The following CSMD1 variants were observed in gnomAD, a reference collection of about 807,000 sequenced individuals.
The protein encoded by CSMD1 is CUB and sushi domain-containing protein 1.
Under a neutral mutation model 417.5 loss-of-function variants are expected in CSMD1, and 213 were observed. That is an observed-to-expected ratio of 0.51 (90% CI 0.46 to 0.57). CSMD1 has a LOEUF of 0.57. Ranked by LOEUF, CSMD1 falls within the 20% of genes least tolerant of loss-of-function variation. CSMD1 has a pLI of 0.00. For missense variants in CSMD1, 6,923 were observed against 4,529.7 expected, an observed-to-expected ratio of 1.53 and a Z score of -15.17; for synonymous variants, 2,862 against 1,736.8, an observed-to-expected ratio of 1.65 and a Z score of -16.11.
chr8:3,840,386 A>G (rs1056703525), intron 5 of CSMD1, among the ~76,000 whole-genome samples: 1 of 152,176 alleles, frequency 6.6e-6, no homozygotes, highest in Non-Finnish European at 1.5e-5. Flanking sequence ...GGAGAATAAT[A>G]GTGTGTAAAT....
intron 50 of CSMD1, among the ~76,000 whole-genome samples, chr8:3,046,711 C>G (rs1175135135): frequency 6.6e-6 from 1 of 152,290 alleles, no homozygotes; most frequent in East Asian, 1.9e-4. Flanking sequence ...TCCAGGCAGC[C>G]TTCCCCGCAG....
chr8:4,642,659 G>T (rs913189438), intron 1 of CSMD1, among the ~76,000 whole-genome samples: 1 of 152,182 alleles, frequency 6.6e-6, no homozygotes, highest in African/African-American at 2.4e-5. Flanking sequence ...TTAAAAACTG[G>T]TGTGCCAAAT....
At chr8:4,949,434 C>CTGTATTAT (rs1808587983) in intron 1 of CSMD1, among the ~76,000 whole-genome samples, 1 of 152,142 alleles carries the variant, frequency 6.6e-6, no homozygotes, top group Non-Finnish European at 1.5e-5. Context: ...TTTGAGTATG[C>CTGTATTAT]TGTATTATTT....
intron 3 of CSMD1, among the ~76,000 whole-genome samples, chr8:4,294,780 G>A (rs1372449742): frequency 6.6e-6 from 1 of 151,682 alleles, no homozygotes; most frequent in East Asian, 1.9e-4. Context: ...ATAATCATGG[G>A]TAAAATAAAA....
chr8:4,013,827 G>A (rs909068437), intron 4 of CSMD1, among the ~76,000 whole-genome samples: 11 of 152,082 alleles, frequency 7.2e-5, no homozygotes, highest in African/African-American at 1.9e-4. Flanking sequence ...TGGTGTCTAT[G>A]GGGTCTTTTG....
rs565654102 is a variant in CSMD1 at position 4,808,070 on chromosome 8, G to A, written c.86-170512C>T. Among the ~76,000 whole-genome samples the A allele has an allele frequency of 2.6e-5, 4 of 152,208 alleles. No homozygotes were observed. The South Asian group carries it at 8.3e-4, about 32-fold the overall frequency. On this transcript the variant is annotated intron_variant, in intron 1 of 69. Coordinates refer to ENST00000635120, the MANE Select transcript of CSMD1 (RefSeq NM_033225.6). ...GACTTTTGTAAATAATACTCGTGTG[G>A]GCTCAATGTCCTTATTAGCATGCTT...
intron 3 of CSMD1, among the ~76,000 whole-genome samples, chr8:4,268,012 A>G (rs572546749): frequency 5.9e-5 from 9 of 152,274 alleles, no homozygotes; most frequent in South Asian, 4.1e-4. Flanking sequence ...GCAGATAGGA[A>G]TAAGACATAT....
intron 1 of CSMD1, among the ~76,000 whole-genome samples, chr8:4,688,493 C>T (rs1176957078): frequency 6.6e-6 from 1 of 152,092 alleles, no homozygotes; most frequent in South Asian, 2.1e-4. Context: ...TGATAATAAG[C>T]AAAATGCATT....
At chr8:3,223,973 C>G in intron 27 of CSMD1, 106 bp from the exon 28 acceptor site, 1 of 1,069,144 alleles carries the variant, frequency 9.4e-7, no homozygotes, top group South Asian at 1.6e-5. Context: ...AAGACATCAG[C>G]ATTTTTACCA....
rs569133967 is a variant in CSMD1 at position 4,134,197 on chromosome 8, G to C, written c.416-102098C>G. On this transcript the variant is annotated intron_variant, in intron 3 of 69. Transcript: ENST00000635120. ...TATTTAAAATTAAAGTTGAAGGAAA[G>C]TCACTGTCCTTACACGCTGAATTGT... 4.6e-5 allele frequency among the ~76,000 whole-genome samples: 7 copies of C among 152,236 alleles called. No individual in the cohort carries two copies. In the East Asian group the frequency reaches 1.4e-3, roughly 29 times the overall value.
At chr8:4,681,669 T>TC (rs35043011) in intron 1 of CSMD1, among the ~76,000 whole-genome samples, 1 of 151,884 alleles carries the variant, frequency 6.6e-6, no homozygotes, top group South Asian at 2.1e-4. Context: ...CTCTCATACA[T>TC]CCCCCCTTTT....
intron 22 of CSMD1, among the ~76,000 whole-genome samples, chr8:3,346,656 A>C (rs113490891): frequency 6.6e-6 from 1 of 152,334 alleles, no homozygotes; most frequent in African/African-American, 2.4e-5. Flanking sequence ...ACCTTTGCAC[A>C]TAACTTCTAA....
intron 5 of CSMD1, among the ~76,000 whole-genome samples, chr8:3,894,866 T>A (rs1260013823): frequency 6.6e-6 from 1 of 152,182 alleles, no homozygotes; most frequent in African/African-American, 2.4e-5. Context: ...AACATTATTT[T>A]CACACCTGTC....
At chr8:3,306,986 G>A (rs1488525307) in intron 25 of CSMD1, among the ~76,000 whole-genome samples, 1 of 151,930 alleles carries the variant, frequency 6.6e-6, no homozygotes, top group African/African-American at 2.4e-5. Flanking sequence ...TTTTATATGT[G>A]TTACTTTAGA....
chr8:3,070,426 T>C (rs1010362376), intron 49 of CSMD1, among the ~76,000 whole-genome samples: 11 of 152,214 alleles, frequency 7.2e-5, no homozygotes, highest in African/African-American at 2.4e-4. Flanking sequence ...TATTTGAACA[T>C]AGGCTGTATA....
chr8:3,095,118 A>T (rs1043848954), intron 47 of CSMD1, among the ~76,000 whole-genome samples: 1 of 152,172 alleles, frequency 6.6e-6, no homozygotes, highest in East Asian at 1.9e-4. Context: ...AAAGTAAGAG[A>T]CTTAAAAGCA....
At chr8:3,174,213 T>C (rs1820765603) in intron 37 of CSMD1, among the ~76,000 whole-genome samples, 1 of 152,092 alleles carries the variant, frequency 6.6e-6, no homozygotes, top group Non-Finnish European at 1.5e-5. Context: ...TGAGACAGAG[T>C]CCAGGCACAG....
chr8:4,383,637 T>C (rs1483896916), intron 3 of CSMD1, among the ~76,000 whole-genome samples: 1 of 152,160 alleles, frequency 6.6e-6, no homozygotes, highest in Non-Finnish European at 1.5e-5. Context: ...GAATCAACTA[T>C]GTACTTCAGT....
At chr8:4,338,204 G>A (rs1284455667) in intron 3 of CSMD1, among the ~76,000 whole-genome samples, 2 of 152,102 alleles carry the variant, frequency 1.3e-5, no homozygotes, top group Non-Finnish European at 1.5e-5. Flanking sequence ...GATTAGAGAT[G>A]CATGTCATAG....
Sources: gnomAD v4.1 joint callset for allele counts (sites outside exome capture counted in the v4.1 genomes callset) on GRCh38, gnomAD v4.1.1 for gene constraint, MANE v1.5 for transcripts, NCBI Gene and HGNC (gene_info 2026-07-23, HGNC 2026-07-21) for gene names.